The following CDH18 variants were observed in gnomAD, a reference collection of about 807,000 sequenced individuals.
The protein encoded by CDH18 is cadherin 18, also known as cadherin-18.
A neutral mutation model predicts 67.9 loss-of-function variants in CDH18; 31 were observed. The ratio of observed to expected loss-of-function variants is 0.46; its 90% CI spans 0.34 to 0.62. CDH18 has a LOEUF of 0.62. CDH18 is among the 20% of genes least tolerant of loss of function. The pLI is 0.01. For synonymous variants in CDH18, 362 were observed against 347.2 expected (o/e 1.04, Z -0.48); for missense variants, 890 against 975.5 (o/e 0.91, Z 1.17).
chr5:20,382,839 GT>G lies in CDH18; in HGVS notation c.-579-127335del, dbSNP rs908467607. ...CTATATTGTAACTACAGTGTGGACTGTTTTTTTCTCCACAGCTATCAACACC... is the reference window on the plus strand; with the variant it reads ...CTATATTGTAACTACAGTGTGGACTGTTTTTTCTCCACAGCTATCAACACC... On this transcript the variant is annotated intron_variant, in intron 1 of 14. Coordinates refer to the CDH18 transcript ENST00000507958. Among the ~76,000 whole-genome samples, 3 of 152,146 alleles carry G rather than the reference GT, an allele frequency of 2.0e-5. 1 individual carries two copies. Among genetic ancestry groups the G allele is most frequent in the Non-Finnish European group, 2.9e-5 (2 of 67,972 alleles).
intron 10 of CDH18, among the ~76,000 whole-genome samples, chr5:19,506,861 A>G (rs1230495419): frequency 6.6e-6 from 1 of 152,226 alleles, no homozygotes; most frequent in Non-Finnish European, 1.5e-5. Context: ...CTTCCTGTCT[A>G]AAACACCAAA....
intron 1 of CDH18, among the ~76,000 whole-genome samples, chr5:20,501,448 A>G (rs1302022776): frequency 7.7e-6 from 1 of 129,792 alleles, no homozygotes; most frequent in Non-Finnish European, 1.6e-5. Flanking sequence ...ATATACATAT[A>G]TTTTATATAC....
intron 1 of CDH18, among the ~76,000 whole-genome samples, chr5:20,357,321 A>G (rs570722425): frequency 9.9e-5 from 15 of 152,150 alleles, no homozygotes; most frequent in African/African-American, 2.9e-4. Context: ...TAAAATTGCA[A>G]TTGTCACTAG....
chr5:20,532,023 A>G (rs959742839), intron 1 of CDH18, among the ~76,000 whole-genome samples: 3 of 152,250 alleles, frequency 2.0e-5, no homozygotes, highest in Admixed American at 2.0e-4. Context: ...GTGTGAATGT[A>G]TAACAATATA....
chr5:19,509,469 T>C (rs1744781822), intron 10 of CDH18, among the ~76,000 whole-genome samples: 1 of 152,190 alleles, frequency 6.6e-6, no homozygotes, highest in African/African-American at 2.4e-5. Flanking sequence ...CATAGTGTCC[T>C]GTTTAGTCAA....
At chr5:19,581,874 A>G (rs767991233) in intron 7 of CDH18, among the ~76,000 whole-genome samples, 11 of 152,096 alleles carry the variant, frequency 7.2e-5, no homozygotes, top group Non-Finnish European at 1.3e-4. Flanking sequence ...CTTTTGTATT[A>G]TAATATGCTT....
chr5:20,098,539 A>T (rs1746182176), intron 2 of CDH18, among the ~76,000 whole-genome samples: 1 of 152,054 alleles, frequency 6.6e-6, no homozygotes, highest in Non-Finnish European at 1.5e-5. Flanking sequence ...TATGTATTCA[A>T]CTTTTTTAGA....
intron 1 of CDH18, among the ~76,000 whole-genome samples, chr5:20,338,215 T>TG (rs1377189303): frequency 6.6e-6 from 1 of 152,254 alleles, no homozygotes; most frequent in Non-Finnish European, 1.5e-5. Flanking sequence ...AACTCAGCAC[T>TG]GTCCAATGAA....
intron 1 of CDH18, among the ~76,000 whole-genome samples, chr5:20,533,609 C>T (rs1226550170): frequency 6.6e-6 from 1 of 151,896 alleles, no homozygotes. Context: ...AAGTGTATTG[C>T]CTTCTGTTTC....
chr5:19,563,558 T>C (rs1739832289), intron 8 of CDH18, among the ~76,000 whole-genome samples: 1 of 152,138 alleles, frequency 6.6e-6, no homozygotes, highest in Non-Finnish European at 1.5e-5. Context: ...TATTTGTAAT[T>C]TGTGAGCAAA....
intron 1 of CDH18, among the ~76,000 whole-genome samples, chr5:20,316,685 GGAGATGGTAGAAGA>G: frequency 6.6e-6 from 1 of 152,050 alleles, no homozygotes; most frequent in Non-Finnish European, 1.5e-5. Context: ...ACAACAGAAA[GGAGATGGTAGAAGA>G]GAGATATGAT....
intron 3 of CDH18, among the ~76,000 whole-genome samples, chr5:19,811,734 T>A (rs944241735): frequency 1.3e-5 from 2 of 152,080 alleles, no homozygotes; most frequent in Non-Finnish European, 2.9e-5. Flanking sequence ...TAAATGAAAT[T>A]ATAGCAGGCT....
At chr5:20,003,203 A>C (rs553519013) in intron 2 of CDH18, among the ~76,000 whole-genome samples, 1 of 152,250 alleles carries the variant, frequency 6.6e-6, no homozygotes, top group African/African-American at 2.4e-5. Context: ...CCAGTTTAGA[A>C]AGTTAAAAAG....
chr5:20,470,929 G>C (rs1023626437), intron 1 of CDH18, among the ~76,000 whole-genome samples: 3 of 152,136 alleles, frequency 2.0e-5, no homozygotes, highest in South Asian at 2.1e-4. Flanking sequence ...CTACGAGATC[G>C]TTCCTATCAT....
intron 1 of CDH18, among the ~76,000 whole-genome samples, chr5:20,493,967 T>A (rs2471127): frequency 6.6e-6 from 1 of 151,794 alleles, no homozygotes; most frequent in African/African-American, 2.4e-5. Context: ...AAACCAGCCT[T>A]GTGCAGTGGC....
At chr5:20,240,076 T>C (rs1322952909) in intron 2 of CDH18, among the ~76,000 whole-genome samples, 1 of 151,956 alleles carries the variant, frequency 6.6e-6, no homozygotes, top group Admixed American at 6.6e-5. Context: ...GATGAGTTAA[T>C]GGGTGCAGCA....
chr5:20,053,305 T>C (rs1048900207), intron 2 of CDH18, among the ~76,000 whole-genome samples: 2 of 151,410 alleles, frequency 1.3e-5, no homozygotes, highest in Non-Finnish European at 2.9e-5. Context: ...GTAGTATATA[T>C]AGCATACATA....
intron 8 of CDH18, among the ~76,000 whole-genome samples, chr5:19,545,199 T>C (rs1373422536): frequency 6.6e-6 from 1 of 152,154 alleles, no homozygotes; most frequent in Non-Finnish European, 1.5e-5. Context: ...ACCTGAAAGA[T>C]GAAATGGACT....
chr5:19,984,248 T>G (rs916711165), intron 1 of CDH18, among the ~76,000 whole-genome samples: 1 of 151,504 alleles, frequency 6.6e-6, no homozygotes, highest in Admixed American at 6.6e-5. Context: ...TATATCCATA[T>G]TAATCTATTC....
Sources: gnomAD v4.1 joint callset for allele counts (sites outside exome capture counted in the v4.1 genomes callset) on GRCh38, gnomAD v4.1.1 for gene constraint, MANE v1.5 for transcripts, NCBI Gene and HGNC (gene_info 2026-07-23, HGNC 2026-07-21) for gene names.